The following POLK variants were observed in gnomAD, a reference collection of about 807,000 sequenced individuals.
POLK encodes DNA polymerase kappa.
A neutral mutation model predicts 94.0 loss-of-function variants in POLK; 76 were observed. The ratio of observed to expected loss-of-function variants is 0.81; its 90% CI spans 0.67 to 0.98. The LOEUF is 0.98. Ranked by LOEUF, POLK falls within the 50% of genes least tolerant of loss-of-function variation. The pLI, the probability that POLK is intolerant of heterozygous loss-of-function variation, is 0.00. For synonymous variants in POLK, 349 were observed against 325.4 expected, an observed-to-expected ratio of 1.07 and a Z score of -0.78; for missense variants, 954 against 1,010.1, an observed-to-expected ratio of 0.94 and a Z score of 0.75.
At chr5:75,578,372 G>T (rs1772018208) in intron 6 of POLK, among the ~76,000 whole-genome samples, 1 of 152,216 alleles carries the variant, frequency 6.6e-6, no homozygotes, top group East Asian at 1.9e-4. Flanking sequence ...GGCCAGGCTG[G>T]TCTCAAACTC....
chr5:75,547,152 A>G, exon 2 of POLK: 1 of 1,535,170 alleles, frequency 6.5e-7, no homozygotes, highest in Non-Finnish European at 8.9e-7. Flanking sequence ...AATGGAAGCC[A>G]CGAAGGTATG....
At chr5:75,585,348 T>G (rs1336806593) in intron 9 of POLK, among the ~76,000 whole-genome samples, 3 of 152,222 alleles carry the variant, frequency 2.0e-5, no homozygotes, top group Non-Finnish European at 2.9e-5. Flanking sequence ...CATTCAGTAC[T>G]GACTACTTTA....
intron 3 of POLK, among the ~76,000 whole-genome samples, chr5:75,565,758 A>T (rs758992121): frequency 1.3e-5 from 2 of 152,176 alleles, no homozygotes; most frequent in South Asian, 2.1e-4. Context: ...TGGAAGCTTC[A>T]TCCCAGAGGG....
rs773484677 is a variant in POLK at position 75,573,852 on chromosome 5, C to T, written c.523C>T (p.Arg175Ter). Reference sequence around the variant, plus strand: ...AGTGCCCCCCAACTTTGACAAATACCGAGCTGTGAGTAAAGAGGTAAGTTA... The same window carrying T: ...AGTGCCCCCCAACTTTGACAAATACTGAGCTGTGAGTAAAGAGGTAAGTTA... The change falls in exon 5 of 15, where the codon CGA becomes TGA. Residue 175 changes from arginine to a stop codon, truncating the protein, a stop_gained. Coordinates refer to ENST00000241436, the Ensembl canonical transcript of POLK. LOFTEE classifies it high-confidence loss of function. 7.4e-6 allele frequency: 12 copies of T among 1,613,236 alleles called. No homozygotes were observed. Among genetic ancestry groups the T allele is most frequent in the Middle Eastern group, 1.7e-4 (1 of 6,056 alleles).
Position 75,526,312 on chromosome 5 carries a change from A to T in POLK, c.-14+14398A>T, listed in dbSNP as rs532245358. 8.5e-5 allele frequency among the ~76,000 whole-genome samples: 13 copies of T among 152,246 alleles called. No individual in the cohort carries two copies. The East Asian group carries it at 2.5e-3, about 29-fold the overall frequency. ...TTTTACTACTGCTTTGACTTCAGCA[A>T]AAACAAGATTTAGGAAGCTCTTATT... On this transcript the variant is annotated intron_variant, in intron 1 of 14. Coordinates refer to ENST00000241436, the Ensembl canonical transcript of POLK.
chr5:75,586,772 C>CCTG (rs1178157115), intron 9 of POLK, among the ~76,000 whole-genome samples: 4 of 152,056 alleles, frequency 2.6e-5, no homozygotes, highest in Non-Finnish European at 4.4e-5. Context: ...TTAATAGAAG[C>CCTG]AATTTCTAAT....
chr5:75,597,059 C>A lies in POLK; in HGVS notation c.2366C>A (p.Ser789Ter), dbSNP rs1773130560. 1 of 1,613,142 alleles carries A rather than the reference C, an allele frequency of 6.2e-7. No individual in the cohort carries two copies. Among genetic ancestry groups the A allele is most frequent in the African/African-American group, 1.3e-5 (1 of 75,024 alleles). ...GTTTGTAACGTAGAACAAAAGACTT[C>A]AGATCTAACCCTGTTCAATGTGCAT... Residue 789 changes from serine to a stop codon, truncating the protein, a stop_gained, in exon 13 of 15, where the codon TCA becomes TAA. Transcript: ENST00000241436. LOFTEE classifies it high-confidence loss of function.
chr5:75,608,140 C>G, the POLK span, among the ~76,000 whole-genome samples: 1 of 152,026 alleles, frequency 6.6e-6, no homozygotes, highest in African/African-American at 2.4e-5. Context: ...TTGACAAATA[C>G]TTATTGCAGG....
intron 7 of POLK, chr5:75,582,184 A>G: frequency 2.1e-6 from 2 of 958,494 alleles, no homozygotes; most frequent in Non-Finnish European, 1.2e-6. Flanking sequence ...TGGTAAAAGG[A>G]AAAACAAATT....
intron 3 of POLK, among the ~76,000 whole-genome samples, chr5:75,565,676 C>G (rs559050213): frequency 6.6e-6 from 1 of 152,204 alleles, no homozygotes; most frequent in Non-Finnish European, 1.5e-5. Flanking sequence ...GAGGTCTACT[C>G]CAGACCCTGT....
chr5:75,566,836 G>A (rs565796312), intron 3 of POLK, among the ~76,000 whole-genome samples: 1 of 152,346 alleles, frequency 6.6e-6, no homozygotes, highest in Non-Finnish European at 1.5e-5. Flanking sequence ...TTCTTAACGA[G>A]TGTGACACAC....
chr5:75,579,402 C>T (rs773264510), intron 6 of POLK, among the ~76,000 whole-genome samples: 43 of 151,362 alleles, frequency 2.8e-4, no homozygotes, highest in Admixed American at 6.6e-4. Flanking sequence ...TGGAGTCTCA[C>T]TCTGTCACCA....
chr5:75,594,225 ACATCCCGATAAACC>A (rs1173364235), intron 12 of POLK, among the ~76,000 whole-genome samples, 176 bp downstream of exon 12: 1 of 152,220 alleles, frequency 6.6e-6, no homozygotes, highest in Admixed American at 6.5e-5. Context: ...CAAGGTGGTT[ACATCCCGATAAACC>A]CATCATAAAT....
chr5:75,593,278 C>T (rs1037870728), intron 11 of POLK, among the ~76,000 whole-genome samples: 19 of 151,892 alleles, frequency 1.3e-4, no homozygotes, highest in Admixed American at 6.6e-5. Context: ...ATTACAGGTG[C>T]CTGCCATCAC....
At chr5:75,560,653 T>A (rs1770923696) in intron 3 of POLK, among the ~76,000 whole-genome samples, 1 of 152,202 alleles carries the variant, frequency 6.6e-6, no homozygotes, top group Admixed American at 6.5e-5. Context: ...TTTCTACTAA[T>A]GCTATCCCTT....
intron 1 of POLK, among the ~76,000 whole-genome samples, chr5:75,533,894 T>G (rs1413247835): frequency 6.6e-6 from 1 of 152,206 alleles, no homozygotes; most frequent in Non-Finnish European, 1.5e-5. Context: ...AGCTTGGAGG[T>G]TGCTGGTGTA....
At chr5:75,566,374 C>T (rs1431343734) in intron 3 of POLK, among the ~76,000 whole-genome samples, 3 of 152,198 alleles carry the variant, frequency 2.0e-5, no homozygotes, top group Non-Finnish European at 4.4e-5. Flanking sequence ...AGGGAATGAA[C>T]GGTTCTGTCT....
chr5:75,573,560 A>G (rs1190398458), intron 4 of POLK, among the ~76,000 whole-genome samples, 178 bp from the exon 5 acceptor site: 2 of 152,212 alleles, frequency 1.3e-5, no homozygotes, highest in East Asian at 1.9e-4. Context: ...TTAATAAAAA[A>G]CAATGCTTAA....
chr5:75,540,028 A>C (rs1769657872), intron 1 of POLK, among the ~76,000 whole-genome samples: 3 of 152,212 alleles, frequency 2.0e-5, no homozygotes, highest in African/African-American at 7.2e-5. Flanking sequence ...AAAACTAAAA[A>C]GTCAGGAGCA....
Sources: allele counts gnomAD v4.1 joint callset (sites outside exome capture counted in the v4.1 genomes callset), GRCh38; gene constraint gnomAD v4.1.1; transcripts MANE v1.5; gene names NCBI Gene and HGNC (gene_info 2026-07-23, HGNC 2026-07-21).